Variants in CCDC30 observed in about 807,000 individuals in gnomAD.
CCDC30 encodes coiled-coil domain-containing protein 30.
In CCDC30, 70 loss-of-function variants were observed where a neutral mutation model predicts 100.2. The observed-to-expected ratio is 0.70, with a 90% CI of 0.58 to 0.85. CCDC30 has a LOEUF of 0.85. CCDC30 is among the 40% of genes least tolerant of loss of function. The pLI is 0.00. For synonymous variants in CCDC30, 233 were observed against 269.5 expected, an observed-to-expected ratio of 0.86 and a Z score of 1.33; for missense variants, 652 against 771.2, an observed-to-expected ratio of 0.85 and a Z score of 1.83.
chr1:42,630,543 T>C (rs975050789), intron 11 of CCDC30, among the ~76,000 whole-genome samples: 2 of 151,800 alleles, frequency 1.3e-5, no homozygotes, highest in African/African-American at 4.8e-5. Flanking sequence ...CCACCACACC[T>C]AGCTATTTTT....
exon 3 of CCDC30, chr1:42,482,663 T>C: frequency 1.6e-6 from 2 of 1,232,654 alleles, no homozygotes; most frequent in African/African-American, 3.1e-5. Flanking sequence ...TTTATTTCAG[T>C]ATCATAATGA....
intron 6 of CCDC30, among the ~76,000 whole-genome samples, chr1:42,565,723 G>T (rs923180261): frequency 6.6e-6 from 1 of 152,148 alleles, no homozygotes; most frequent in African/African-American, 2.4e-5. Context: ...ATGTCAAAGA[G>T]ATATCTGCAG....
At chr1:42,624,821 A>G (rs562797684) in intron 11 of CCDC30, among the ~76,000 whole-genome samples, 12 of 152,162 alleles carry the variant, frequency 7.9e-5, no homozygotes, top group Non-Finnish European at 1.5e-4. Context: ...GTCAATATTC[A>G]TCAGTGATAG....
chr1:42,654,096 T>C, exon 17 of CCDC30: 3 of 1,139,270 alleles, frequency 2.6e-6, no homozygotes, highest in Non-Finnish European at 3.9e-6. Flanking sequence ...AGGTGGACCA[T>C]GACATTGAGA....
chr1:42,484,229 A>T (rs879278899), intron 3 of CCDC30, among the ~76,000 whole-genome samples: 2 of 152,166 alleles, frequency 1.3e-5, no homozygotes, highest in African/African-American at 2.4e-5. Flanking sequence ...TGCATATCCC[A>T]TGTGGGTTGG....
At chr1:42,575,649 C>CAAAAAAAAAAA (rs71065186) in intron 7 of CCDC30, among the ~76,000 whole-genome samples, 33,621 of 76,814 alleles carry the variant, frequency 0.44, 8,432 homozygotes, top group Middle Eastern at 0.55. Flanking sequence ...GACCCTGTCT[C>CAAAAAAAAAAA]AAAAAAAAAG....
At chr1:42,482,114 A>T (rs988452825) in intron 2 of CCDC30, among the ~76,000 whole-genome samples, 1 of 151,748 alleles carries the variant, frequency 6.6e-6, no homozygotes, top group Admixed American at 6.6e-5. Flanking sequence ...GCTACTTGGG[A>T]GTCTGAGGCA....
At chr1:42,589,223 CAAAAA>C in intron 9 of CCDC30, 93 bp from the exon 14 acceptor site, 3 of 809,774 alleles carry the variant, frequency 3.7e-6, no homozygotes, top group Admixed American at 3.0e-5. Flanking sequence ...TTCATTGAAC[CAAAAA>C]AAAAAAAAAT....
chr1:42,466,071 T>C (rs945224686), intron 1 of CCDC30, among the ~76,000 whole-genome samples: 2 of 152,228 alleles, frequency 1.3e-5, no homozygotes, highest in Non-Finnish European at 2.9e-5. Flanking sequence ...GTGCATAATA[T>C]GTATTTTATT....
chr1:42,546,720 GTCTA>G (rs745732313), intron 6 of CCDC30, among the ~76,000 whole-genome samples: 4 of 151,330 alleles, frequency 2.6e-5, no homozygotes, highest in Admixed American at 6.6e-5. Flanking sequence ...CTATCTATCT[GTCTA>G]TCTATCTATC....
intron 9 of CCDC30, among the ~76,000 whole-genome samples, chr1:42,585,645 T>A (rs1309198125): frequency 6.6e-6 from 1 of 152,118 alleles, no homozygotes; most frequent in East Asian, 1.9e-4. Flanking sequence ...GATTACTGAT[T>A]TTATATTTTT....
intron 6 of CCDC30, among the ~76,000 whole-genome samples, chr1:42,564,218 A>G (rs1645558444): frequency 6.6e-6 from 1 of 152,240 alleles, no homozygotes; most frequent in South Asian, 2.1e-4. Flanking sequence ...CTACCTTTGT[A>G]GAAAATCCAA....
At chr1:42,583,745 G>T (rs1162845979) in intron 9 of CCDC30, among the ~76,000 whole-genome samples, 1 of 152,152 alleles carries the variant, frequency 6.6e-6, no homozygotes, top group African/African-American at 2.4e-5. Flanking sequence ...ATGCAATTAT[G>T]GGAACTGGTT....
chr1:42,474,112 AT>A (rs2148445588), intron 1 of CCDC30, among the ~76,000 whole-genome samples: 1 of 152,296 alleles, frequency 6.6e-6, no homozygotes, highest in South Asian at 2.1e-4. Context: ...CACAGGTAAC[AT>A]TTTTAAATTT....
chr1:42,459,906 T>C (rs775424687), upstream of CCDC30: 3 of 1,607,926 alleles, frequency 1.9e-6, no homozygotes, highest in East Asian at 6.7e-5. Context: ...ACACACAGCT[T>C]TTATAGGTGA....
chr1:42,520,543 G>A lies in CCDC30; in HGVS notation c.456+21627G>A, dbSNP rs533822768. 1.2e-4 allele frequency among the ~76,000 whole-genome samples: 18 copies of A among 150,690 alleles called. No homozygotes were observed. In the South Asian group the frequency reaches 3.8e-3, roughly 32 times the overall value. On this transcript the variant is annotated intron_variant, in intron 6 of 16. Coordinates refer to ENST00000668663, the Ensembl canonical transcript of CCDC30. The stretch of plus-strand genomic sequence containing the variant: ...GACAGGGTTTCACCATGTTGGTCAG[G>A]CTGGTCTCAAACTCCTGACCTCGTG...
intron 11 of CCDC30, among the ~76,000 whole-genome samples, chr1:42,636,663 A>G (rs557245447): frequency 9.9e-5 from 15 of 152,176 alleles, no homozygotes; most frequent in African/African-American, 3.4e-4. Context: ...TTATACCACA[A>G]CCATCAGTAC....
At chr1:42,492,041 AT>A in intron 4 of CCDC30, 1 of 485,478 alleles carries the variant, frequency 2.1e-6, no homozygotes, top group South Asian at 2.4e-5. Flanking sequence ...CAGGGCATGG[AT>A]TTACCCCTGA....
Position 42,500,144 on chromosome 1 carries a change from A to C in CCDC30, c.456+1228A>C, listed in dbSNP as rs1644287149. On this transcript the variant is annotated intron_variant, in intron 6 of 16. Transcript: ENST00000668663. ...TCTTACAAAGTTAAACAGCTAAAAG[A>C]AGTAAAATAAGAAGGCAATGCTTGT... The C allele has an allele frequency of 3.6e-6, 5 of 1,373,942 alleles. No homozygotes were observed. The South Asian group carries it at 5.8e-5, about 16-fold the overall frequency. The allele number at this position is 1,373,942 out of a possible 1,614,324, so 85.1% of individuals were successfully genotyped here.
Sources: allele counts gnomAD v4.1 joint callset (sites outside exome capture counted in the v4.1 genomes callset), GRCh38; gene constraint gnomAD v4.1.1; transcripts MANE v1.5; gene names NCBI Gene and HGNC (gene_info 2026-07-23, HGNC 2026-07-21).